The following PAN3 variants were observed in gnomAD, a reference collection of about 807,000 sequenced individuals.
PAN3 encodes the protein poly(A) specific ribonuclease subunit PAN3.
In PAN3, 19 loss-of-function variants were observed where a neutral mutation model predicts 96.2. The observed-to-expected ratio is 0.20, with a 90% confidence interval of 0.14 to 0.29. The LOEUF (loss-of-function observed/expected upper bound fraction) is 0.29, where lower values mean the gene tolerates loss of function less well. PAN3 is among the 10% of genes least tolerant of loss of function. PAN3 has a pLI of 1.00. For synonymous variants in PAN3, 433 were observed against 406.6 expected (o/e 1.06, Z -0.78); for missense variants, 882 against 1,108.1 (o/e 0.80, Z 2.90).
intron 1 of PAN3, among the ~76,000 whole-genome samples, chr13:28,171,660 T>C (rs1874319443): frequency 6.6e-6 from 1 of 152,206 alleles, no homozygotes; most frequent in African/African-American, 2.4e-5. Flanking sequence ...AAGGATCTTT[T>C]TTCTCTGTGG....
rs778518154 is a variant in PAN3, at chr13:28,277,351, T to A, written c.2164T>A (p.Ser722Thr). Residue 722 changes from serine to threonine, a missense_variant, in exon 15 of 19, where the codon TCC becomes ACC. By Grantham distance (58) the Ser-to-Thr change is moderately conservative. Transcript: ENST00000380958. ...KAMELVTINY[S>T]SDLKNLILYL... ...CATGGAACTGGTGACAATCAACTATTCCTCTGACCTGAAGAATCTGATTTT... is the reference window on the plus strand; with the variant it reads ...CATGGAACTGGTGACAATCAACTATACCTCTGACCTGAAGAATCTGATTTT... 6.2e-7 allele frequency: 1 copy of A among 1,612,084 alleles called. No homozygotes were observed. Among genetic ancestry groups the A allele is most frequent in the Admixed American group, 1.7e-5 (1 of 59,528 alleles).
chr13:28,243,121 C>T (rs1168031063), intron 6 of PAN3, among the ~76,000 whole-genome samples: 1 of 152,054 alleles, frequency 6.6e-6, no homozygotes, highest in Admixed American at 6.6e-5. Context: ...TTTTTTCCTG[C>T]CATCTTGTGC....
chr13:28,173,232 C>A (rs148352347), intron 1 of PAN3, among the ~76,000 whole-genome samples: 1 of 152,062 alleles, frequency 6.6e-6, no homozygotes, highest in Non-Finnish European at 1.5e-5. Flanking sequence ...ATTTTAATAC[C>A]TCTCTGGGCC....
intron 5 of PAN3, among the ~76,000 whole-genome samples, chr13:28,201,077 G>A (rs1878633637): frequency 6.6e-6 from 1 of 151,248 alleles, no homozygotes; most frequent in African/African-American, 2.4e-5. Flanking sequence ...CTGTTACCCA[G>A]GCTGGAATGC....
chr13:28,281,539 C>T (rs1355723500), intron 17 of PAN3, among the ~76,000 whole-genome samples, 160 bp downstream of exon 17: 1 of 152,132 alleles, frequency 6.6e-6, no homozygotes, highest in Non-Finnish European at 1.5e-5. Flanking sequence ...TTAACAACAG[C>T]CTAGGTGTGG....
intron 5 of PAN3, among the ~76,000 whole-genome samples, chr13:28,203,790 C>A (rs1421348176): frequency 6.7e-6 from 1 of 150,162 alleles, no homozygotes; most frequent in Non-Finnish European, 1.5e-5. Context: ...AGCGTCTCTG[C>A]TTTTCTTTTT....
intron 6 of PAN3, among the ~76,000 whole-genome samples, chr13:28,235,722 C>CACACACATAT (rs763204992): frequency 6.7e-6 from 1 of 148,952 alleles, no homozygotes; most frequent in African/African-American, 2.5e-5. Context: ...CACACACACA[C>CACACACATAT]ATATATATAT....
intron 1 of PAN3, among the ~76,000 whole-genome samples, chr13:28,151,972 A>G (rs917863675): frequency 5.9e-5 from 9 of 152,242 alleles, no homozygotes; most frequent in African/African-American, 2.2e-4. Context: ...ATTTAAAATC[A>G]TGGAACTGTA....
chr13:28,163,051 G>T (rs908224418), intron 1 of PAN3, among the ~76,000 whole-genome samples: 1 of 147,654 alleles, frequency 6.8e-6, no homozygotes, highest in Non-Finnish European at 1.5e-5. Flanking sequence ...AGCCCAGGAA[G>T]TTTTTTTTTT....
chr13:28,195,787 C>T (rs768552015), intron 4 of PAN3, among the ~76,000 whole-genome samples: 3 of 152,122 alleles, frequency 2.0e-5, no homozygotes, highest in Admixed American at 6.5e-5. Flanking sequence ...CCCACCACCT[C>T]GGCTTCCCAA....
chr13:28,234,012 T>G (rs780554854), intron 6 of PAN3, among the ~76,000 whole-genome samples: 1 of 152,180 alleles, frequency 6.6e-6, no homozygotes, highest in African/African-American at 2.4e-5. Flanking sequence ...CAGACCTCCA[T>G]TTTTCTTTTC....
chr13:28,195,365 C>T (rs548326961), intron 4 of PAN3, among the ~76,000 whole-genome samples: 121 of 152,256 alleles, frequency 7.9e-4, no homozygotes, highest in Middle Eastern at 3.4e-3. Context: ...GATTGTACCA[C>T]TGCATTCCAG....
rs1256825217 is a variant in PAN3, at chr13:28,138,935, C to G, written c.278C>G (p.Ala93Gly). 25 of 1,340,392 alleles carry G rather than the reference C, an allele frequency of 1.9e-5. No individual in the cohort carries two copies. Among genetic ancestry groups the G allele is most frequent in the Middle Eastern group, 3.9e-4 (2 of 5,064 alleles). The allele number at this position is 1,340,392 out of a possible 1,614,324, so 83.0% of individuals were successfully genotyped here. ...AGCGTCCCCCTGGCTCTGGCTGGTGCACCCGTGGCCGGCTTTCCGCCGGGA... is the reference window on the plus strand; with the variant it reads ...AGCGTCCCCCTGGCTCTGGCTGGTGGACCCGTGGCCGGCTTTCCGCCGGGA... ...SNSVPLALAG[A>G]PVAGFPPGAV... The change falls in exon 1 of 19, where the codon GCA becomes GGA. Residue 93 changes from alanine to glycine, a missense_variant. Ala to Gly is a moderately conservative substitution (Grantham distance 60). Coordinates refer to ENST00000380958, the MANE Select transcript of PAN3 (RefSeq NM_175854.8).
Position 28,219,166 on chromosome 13 carries a change from G to A in PAN3, c.853-1065G>A, listed in dbSNP as rs577315093. Among the ~76,000 whole-genome samples, 152 of 152,216 alleles carry A rather than the reference G, an allele frequency of 1.0e-3. 1 individual carries two copies. Among genetic ancestry groups the A allele is most frequent in the Non-Finnish European group, 6.3e-4 (43 of 67,996 alleles). ...AAAAACACATTTAAGTCACAAAAGA[G>A]GATTTTTTTCCCCTTTGGAAAATAT... On this transcript the variant is annotated intron_variant, in intron 5 of 18. Coordinates refer to ENST00000380958, the MANE Select transcript of PAN3 (RefSeq NM_175854.8).
Position 28,194,466 on chromosome 13 carries a change from A to ATT in PAN3, c.691-2701_691-2700dup, listed in dbSNP as rs1284832933. On this transcript the variant is annotated intron_variant, in intron 4 of 18. Coordinates refer to ENST00000380958, the MANE Select transcript of PAN3 (RefSeq NM_175854.8). ...TATATGTATGTATATATATATATAT[A>ATT]TTTTTTTTTTTTTTTTTTTGTAGAG... Among the ~76,000 whole-genome samples, 1,198 of 122,112 alleles carry ATT rather than the reference A, an allele frequency of 9.8e-3. 35 individuals carry two copies. The highest frequency in any genetic ancestry group is 0.03 in the African/African-American group (836 of 27,656). The allele number at this position is 122,112 out of a possible 152,430, so 80.1% of individuals were successfully genotyped here. A position where few individuals can be genotyped will look rare whatever the true frequency, so the allele number is the denominator to read the frequency against.
At chr13:28,232,635 T>G (rs1355947708) in intron 6 of PAN3, 37 of 151,772 alleles carry the variant, frequency 2.4e-4, no homozygotes, top group Non-Finnish European at 4.4e-5. Flanking sequence ...TTATAAAGAT[T>G]AAAAAATAAA....
chr13:28,212,727 G>A (rs1880200546), intron 5 of PAN3, among the ~76,000 whole-genome samples: 1 of 152,088 alleles, frequency 6.6e-6, no homozygotes, highest in Non-Finnish European at 1.5e-5. Flanking sequence ...GGGATTAATG[G>A]CAATAGACAT....
chr13:28,208,428 ACT>A (rs1879625041), intron 5 of PAN3, among the ~76,000 whole-genome samples: 2 of 152,124 alleles, frequency 1.3e-5, no homozygotes, highest in African/African-American at 4.8e-5. Flanking sequence ...ATGAATTATT[ACT>A]GTTATTGGAG....
intron 5 of PAN3, among the ~76,000 whole-genome samples, chr13:28,217,201 CAGT>C (rs1410361258): frequency 6.6e-6 from 1 of 151,746 alleles, no homozygotes; most frequent in Non-Finnish European, 1.5e-5. Context: ...TAGAAGGTAG[CAGT>C]AGGGATCATT....
Sources: allele counts gnomAD v4.1 joint callset (sites outside exome capture counted in the v4.1 genomes callset), GRCh38; gene constraint gnomAD v4.1.1; transcripts MANE v1.5; gene names NCBI Gene and HGNC (gene_info 2026-07-23, HGNC 2026-07-21).